Variants in AFF3 observed in about 807,000 individuals in gnomAD.
The protein encoded by AFF3 is ALF transcription elongation factor 3, also known as AF4/FMR2 family member 3.
A neutral mutation model predicts 129.7 loss-of-function variants in AFF3; 32 were observed. The ratio of observed to expected loss-of-function variants is 0.25; its 90% CI spans 0.19 to 0.33. AFF3 has a LOEUF of 0.33. Ranked by LOEUF, AFF3 falls within the 10% of genes least tolerant of loss-of-function variation. The pLI, the probability that AFF3 is intolerant of heterozygous loss-of-function variation, is 1.00. For missense variants in AFF3, 1,373 were observed against 1,592.0 expected (o/e 0.86, Z 2.34); for synonymous variants, 644 against 635.4 (o/e 1.01, Z -0.20).
chr2:99,702,009 G>T (rs1019306873), intron 11 of AFF3, among the ~76,000 whole-genome samples: 3 of 152,134 alleles, frequency 2.0e-5, no homozygotes, highest in African/African-American at 7.2e-5. Context: ...TCCTTTTATT[G>T]CTGGGTAGCA....
At chr2:99,592,700 G>A (rs781125909) in intron 15 of AFF3, among the ~76,000 whole-genome samples, 1 of 152,194 alleles carries the variant, frequency 6.6e-6, no homozygotes, top group Non-Finnish European at 1.5e-5. Context: ...TTGGGAGGCT[G>A]AGGCAGGCAG....
chr2:99,949,263 C>G (rs1159552135), intron 7 of AFF3, among the ~76,000 whole-genome samples: 1 of 152,176 alleles, frequency 6.6e-6, no homozygotes, highest in East Asian at 1.9e-4. Flanking sequence ...TTCTAGCATT[C>G]ATATATCTAA....
chr2:99,801,912 C>T (rs1282447571), intron 8 of AFF3, among the ~76,000 whole-genome samples: 1 of 152,178 alleles, frequency 6.6e-6, no homozygotes, highest in East Asian at 1.9e-4. Context: ...AAGCACCTCC[C>T]AATAGAACTA....
In AFF3 at chr2:99,816,165, C is replaced by A. The variant is rs1027392522; in HGVS notation, c.921+21312G>T. On this transcript the variant is annotated intron_variant, in intron 8 of 24. Transcript: ENST00000672756. ...TGAACTCATTAAATGCATTCTTTAT[C>A]TCTGTTTTCCATTTTAAAAATTTTT... 4.0e-5 allele frequency among the ~76,000 whole-genome samples: 6 copies of A among 151,318 alleles called. 1 individual carries two copies. In the East Asian group the frequency reaches 1.2e-3, roughly 29 times the overall value.
At chr2:99,723,022 A>G (rs1679041692) in intron 11 of AFF3, among the ~76,000 whole-genome samples, 1 of 152,200 alleles carries the variant, frequency 6.6e-6, no homozygotes, top group Non-Finnish European at 1.5e-5. Context: ...TAGTTAGACT[A>G]TGAATAGTTT....
At chr2:99,566,902 C>A (rs1229307227) in intron 19 of AFF3, among the ~76,000 whole-genome samples, 1 of 151,996 alleles carries the variant, frequency 6.6e-6, no homozygotes, top group African/African-American at 2.4e-5. Flanking sequence ...AACTTCCTCT[C>A]CTTAGCAAAT....
intron 1 of AFF3, among the ~76,000 whole-genome samples, chr2:100,131,049 A>G (rs11886901): frequency 1.3e-5 from 2 of 152,168 alleles, no homozygotes; most frequent in Middle Eastern, 3.2e-3. Context: ...TATAAACACC[A>G]TACTTAAAAC....
intron 11 of AFF3, among the ~76,000 whole-genome samples, chr2:99,695,308 G>A (rs1377155035): frequency 6.6e-6 from 1 of 152,092 alleles, no homozygotes; most frequent in African/African-American, 2.4e-5. Flanking sequence ...GGGTGTTTCT[G>A]GCCCCACGCT....
At chr2:99,980,638 G>C (rs1679319871) in intron 7 of AFF3, among the ~76,000 whole-genome samples, 2 of 152,248 alleles carry the variant, frequency 1.3e-5, no homozygotes, top group African/African-American at 4.8e-5. Context: ...GTTATTATCT[G>C]TATCAATTTT....
At chr2:99,942,862 C>T (rs1273508367) in intron 7 of AFF3, among the ~76,000 whole-genome samples, 4 of 152,108 alleles carry the variant, frequency 2.6e-5, no homozygotes, top group Admixed American at 6.5e-5. Context: ...CTCAGTGACA[C>T]CTTTATCTGT....
chr2:99,927,624 T>C lies in AFF3; in HGVS notation c.873+79008A>G, dbSNP rs996857854. Among the ~76,000 whole-genome samples the C allele has an allele frequency of 1.2e-4, 19 of 152,246 alleles. No individual in the cohort carries two copies. In the East Asian group the frequency reaches 3.5e-3, roughly 28 times the overall value. On this transcript the variant is annotated intron_variant, in intron 7 of 24. Coordinates refer to ENST00000672756, the MANE Select transcript of AFF3 (RefSeq NM_001386135.1). ...GAGGGGATCAGAAAAAAATAACTAA[T>C]GATTACTAGGCTTAACACCAGGGTG...
rs1436449145 is a variant in AFF3 at position 100,007,393 on chromosome 2, T to A, written c.242A>T (p.Asp81Val). 2 of 1,614,066 alleles carry A rather than the reference T, an allele frequency of 1.2e-6. No individual in the cohort carries two copies. Among genetic ancestry groups the A allele is most frequent in the Non-Finnish European group, 1.7e-6 (2 of 1,180,040 alleles). ...NTLGNYDEMK[D>V]FLTDRSNQSH... Reference sequence around the variant, plus strand: ...CTGATTGGATCTATCAGTTAAAAAGTCTTTCATTTCATCATAATTGCCTAA... The same window carrying A: ...CTGATTGGATCTATCAGTTAAAAAGACTTTCATTTCATCATAATTGCCTAA... Residue 81 changes from aspartate to valine, a missense_variant, in exon 6 of 25, where the codon GAC becomes GTC. Transcript: ENST00000672756.
intron 7 of AFF3, among the ~76,000 whole-genome samples, chr2:99,993,044 T>C (rs1211306743): frequency 6.6e-6 from 1 of 152,242 alleles, no homozygotes; most frequent in Non-Finnish European, 1.5e-5. Context: ...TGGACCATCT[T>C]GGATCATGTG....
At chr2:99,775,589 G>C (rs114575288) in intron 8 of AFF3, among the ~76,000 whole-genome samples, 2,347 of 152,110 alleles carry the variant, frequency 0.015, 61 homozygotes, top group African/African-American at 0.054. Flanking sequence ...GGAAAAATCA[G>C]GGTGATGGGC....
intron 8 of AFF3, among the ~76,000 whole-genome samples, chr2:99,826,063 G>A (rs1019950621): frequency 6.6e-6 from 1 of 152,126 alleles, no homozygotes; most frequent in Non-Finnish European, 1.5e-5. Flanking sequence ...TACCCAGGCT[G>A]CAGTGCAGTG....
At position 99,593,308 on chromosome 2, in the gene AFF3, C is replaced by T. The variant is rs749774408; in HGVS notation, c.2353G>A (p.Glu785Lys). ...LSRIPEHLPQ[E>K]PGVLSAPATK... ...GCAGGGGCGCTCAATACCCCTGGCTCCTGGGGCAGGTGTTCTGGGATCCTG... is the reference window on the plus strand; with the variant it reads ...GCAGGGGCGCTCAATACCCCTGGCTTCTGGGGCAGGTGTTCTGGGATCCTG... Residue 785 changes from glutamate (E) to lysine (K), a missense_variant, in exon 15 of 25, where the codon GAG (glutamate) becomes AAG (lysine). Transcript: ENST00000672756. 6 of 1,613,980 alleles carry T rather than the reference C, an allele frequency of 3.7e-6. No homozygotes were observed. The South Asian group carries it at 6.6e-5, about 18-fold the overall frequency.
At chr2:100,054,561 C>T (rs1245053159) in intron 4 of AFF3, among the ~76,000 whole-genome samples, 1 of 152,148 alleles carries the variant, frequency 6.6e-6, no homozygotes, top group Non-Finnish European at 1.5e-5. Context: ...GTCTGCCAGC[C>T]TTTGAACTGG....
At chr2:99,723,950 A>G (rs1298589422) in intron 11 of AFF3, among the ~76,000 whole-genome samples, 1 of 152,130 alleles carries the variant, frequency 6.6e-6, no homozygotes, top group East Asian at 1.9e-4. Context: ...CGAAGGAGAG[A>G]GGCCGGGGAT....
In AFF3 at chr2:100,004,317, T is replaced by C. The variant is rs554649509; in HGVS notation, c.873+2315A>G. ...AGCAGTATCTTTATTTTTAAAAATATTGGCATGAATATTTTTGAAATTGTC... is the reference window on the plus strand; with the variant it reads ...AGCAGTATCTTTATTTTTAAAAATACTGGCATGAATATTTTTGAAATTGTC... On this transcript the variant is annotated intron_variant, in intron 7 of 24. Coordinates refer to ENST00000672756, the MANE Select transcript of AFF3 (RefSeq NM_001386135.1). 1.4e-4 allele frequency among the ~76,000 whole-genome samples: 22 copies of C among 152,338 alleles called. No individual in the cohort carries two copies. The South Asian group carries it at 2.1e-3, about 14-fold the overall frequency.
Sources: gnomAD v4.1 joint callset for allele counts (sites outside exome capture counted in the v4.1 genomes callset) on GRCh38, gnomAD v4.1.1 for gene constraint, MANE v1.5 for transcripts, NCBI Gene and HGNC (gene_info 2026-07-23, HGNC 2026-07-21) for gene names.